KANSL1L: variants seen among roughly 807,000 people sequenced by gnomAD.
KANSL1L encodes KAT8 regulatory NSL complex subunit 1-like protein.
KANSL1L carries 25 observed loss-of-function variants against 108.6 expected under a neutral mutation model. The ratio of observed to expected loss-of-function variants is 0.23; its 90% CI spans 0.17 to 0.32. KANSL1L has a LOEUF of 0.32. Ranked by LOEUF, KANSL1L falls within the 10% of genes least tolerant of loss-of-function variation. The probability of loss-of-function intolerance (pLI) is 1.00; values close to 1 mark genes in which losing one functional copy is unlikely to be tolerated. For missense variants in KANSL1L, 1,137 were observed against 1,125.7 expected, an observed-to-expected ratio of 1.01 and a Z score of -0.14; for synonymous variants, 405 against 395.1, an observed-to-expected ratio of 1.03 and a Z score of -0.30.
chr2:210,168,751 A>G (rs1688142405), intron 1 of KANSL1L, among the ~76,000 whole-genome samples: 1 of 152,142 alleles, frequency 6.6e-6, no homozygotes, highest in South Asian at 2.1e-4. Context: ...AAAAGTAGTA[A>G]AAGTTATGAA....
chr2:210,145,955 G>A (rs2095262761), intron 2 of KANSL1L, among the ~76,000 whole-genome samples: 2 of 152,086 alleles, frequency 1.3e-5, no homozygotes, highest in African/African-American at 4.8e-5. Flanking sequence ...TTGGGAGGGT[G>A]GTGGTCCCAG....
At chr2:210,124,554 G>T (rs895373209) in intron 3 of KANSL1L, among the ~76,000 whole-genome samples, 31 of 151,652 alleles carry the variant, frequency 2.0e-4, no homozygotes, top group African/African-American at 5.8e-4. Flanking sequence ...AAACAAAAAA[G>T]ATCTCGAAAT....
intron 2 of KANSL1L, among the ~76,000 whole-genome samples, chr2:210,132,817 C>T (rs1400403018): frequency 6.6e-6 from 1 of 152,134 alleles, no homozygotes; most frequent in Non-Finnish European, 1.5e-5. Flanking sequence ...GCTAATGCTA[C>T]CCTCATAAAA....
chr2:210,057,926 G>A (rs1444347228), intron 6 of KANSL1L, among the ~76,000 whole-genome samples: 2 of 152,102 alleles, frequency 1.3e-5, no homozygotes, highest in African/African-American at 4.8e-5. Context: ...TGTGATGATT[G>A]CATTAACTGC....
intron 4 of KANSL1L, among the ~76,000 whole-genome samples, chr2:210,102,171 C>T (rs1027002180): frequency 6.6e-6 from 1 of 152,166 alleles, no homozygotes; most frequent in South Asian, 2.1e-4. Context: ...GGTACCAGTA[C>T]CATGCTGTTT....
intron 5 of KANSL1L, 28 bp from the exon 6 acceptor site, chr2:210,075,784 TGGGAA>T (rs1322074855): frequency 6.5e-7 from 1 of 1,534,992 alleles, no homozygotes; most frequent in Non-Finnish European, 9.0e-7. Context: ...AATTAGGGCG[TGGGAA>T]GGGAATAAAA....
intron 3 of KANSL1L, among the ~76,000 whole-genome samples, chr2:210,123,993 T>C (rs1306743420): frequency 6.6e-6 from 1 of 152,056 alleles, no homozygotes; most frequent in Non-Finnish European, 1.5e-5. Flanking sequence ...TAAGAGACAA[T>C]TAAAACATAT....
intron 5 of KANSL1L, among the ~76,000 whole-genome samples, chr2:210,077,522 G>C (rs1410989895): frequency 6.6e-6 from 1 of 152,086 alleles, no homozygotes; most frequent in African/African-American, 2.4e-5. Flanking sequence ...TCGAGGTCAA[G>C]AAGAAGACAG....
intron 5 of KANSL1L, chr2:210,096,525 CAT>C (rs1425908876): frequency 3.0e-6 from 3 of 984,480 alleles, no homozygotes; most frequent in East Asian, 1.1e-4. Context: ...TGAACACACA[CAT>C]GTAACTATGT....
At chr2:210,151,479 C>T (rs2095303332) in intron 2 of KANSL1L, 1 of 152,150 alleles carries the variant, frequency 6.6e-6, no homozygotes, top group Non-Finnish European at 1.5e-5. Flanking sequence ...AGACTTCTTT[C>T]AGAACACATG....
chr2:210,040,867 C>A (rs145930876), intron 7 of KANSL1L, among the ~76,000 whole-genome samples: 3 of 151,936 alleles, frequency 2.0e-5, no homozygotes, highest in African/African-American at 4.8e-5. Context: ...ACAAATATAC[C>A]CAAGAAGTCT....
rs533489395 is a variant in KANSL1L at position 210,118,604 on chromosome 2, T to C, written c.1230+10427A>G. 2.2e-3 allele frequency among the ~76,000 whole-genome samples: 331 copies of C among 152,080 alleles called. 1 individual carries two copies. Among genetic ancestry groups the C allele is most frequent in the African/African-American group, 7.5e-3 (310 of 41,498 alleles). On this transcript the variant is annotated intron_variant, in intron 3 of 14. Coordinates refer to ENST00000281772, the MANE Select transcript of KANSL1L (RefSeq NM_152519.4). ...GCTCGTACCTGTAATCCCAGCACTT[T>C]GGAAGGCCAGGGCAGGCAGACTGCT...
At chr2:210,082,105 T>C (rs553540249) in intron 5 of KANSL1L, among the ~76,000 whole-genome samples, 70 of 152,288 alleles carry the variant, frequency 4.6e-4, no homozygotes, top group African/African-American at 1.6e-3. Flanking sequence ...GGCTAATTTT[T>C]TATGTTCCAT....
chr2:210,101,832 A>G (rs993775414), intron 4 of KANSL1L, among the ~76,000 whole-genome samples: 1 of 152,222 alleles, frequency 6.6e-6, no homozygotes, highest in Non-Finnish European at 1.5e-5. Context: ...TTTATCAGGA[A>G]TAAGACAGTA....
intron 2 of KANSL1L, 114 bp downstream of exon 2, chr2:210,153,381 A>G: frequency 1.3e-6 from 1 of 780,108 alleles, no homozygotes; most frequent in Non-Finnish European, 2.0e-6. Context: ...AAAAAAAAAA[A>G]GATTATAGCA....
Position 210,044,917 on chromosome 2 carries a change from G to A in KANSL1L, c.1756-813C>T, listed in dbSNP as rs1479563839. Among the ~76,000 whole-genome samples the A allele has an allele frequency of 4.6e-5, 7 of 151,978 alleles. No homozygotes were observed. Among genetic ancestry groups the A allele is most frequent in the African/African-American group, 9.7e-5 (4 of 41,380 alleles). Reference sequence around the variant, plus strand: ...CCTGAGTAACTGGGATTACAGGCACGTGCCACTGCGCCCAGCTACTTTTTG... The same window carrying A: ...CCTGAGTAACTGGGATTACAGGCACATGCCACTGCGCCCAGCTACTTTTTG... On this transcript the variant is annotated intron_variant, in intron 6 of 14. Coordinates refer to ENST00000281772, the MANE Select transcript of KANSL1L (RefSeq NM_152519.4). This position sits in a 1 kb window ranked among gnomAD's most constrained non-coding sequence, Gnocchi z 4.2.
intron 6 of KANSL1L, among the ~76,000 whole-genome samples, chr2:210,053,196 C>T (rs575937869): frequency 2.1e-4 from 32 of 152,246 alleles, no homozygotes; most frequent in African/African-American, 7.0e-4. Context: ...AGATAATGGT[C>T]CATTTTTTTT....
chr2:210,094,801 T>A (rs1486311733), intron 5 of KANSL1L, among the ~76,000 whole-genome samples: 1 of 151,902 alleles, frequency 6.6e-6, no homozygotes, highest in Non-Finnish European at 1.5e-5. Context: ...TACTTTTCAT[T>A]ATAAACATAT....
intron 3 of KANSL1L, among the ~76,000 whole-genome samples, chr2:210,115,840 A>G (rs1173979315): frequency 6.6e-6 from 1 of 152,254 alleles, no homozygotes; most frequent in Non-Finnish European, 1.5e-5. Context: ...TACCATAAAA[A>G]TAGCATGAGA....
Sources: allele counts gnomAD v4.1 joint callset (sites outside exome capture counted in the v4.1 genomes callset), GRCh38; gene constraint gnomAD v4.1.1; non-coding constraint Gnocchi (gnomAD v3.1); transcripts MANE v1.5; gene names NCBI Gene and HGNC (gene_info 2026-07-23, HGNC 2026-07-21).